Variants in LUZP2 observed in about 807,000 individuals in gnomAD.
The protein encoded by LUZP2 is leucine zipper protein 2.
Under a neutral mutation model 51.6 loss-of-function variants are expected in LUZP2, and 52 were observed. That is an observed-to-expected ratio of 1.01 (90% CI 0.81 to 1.27). LUZP2 has a LOEUF of 1.27. LUZP2 is among the 50% of genes most tolerant of loss of function. The probability of loss-of-function intolerance (pLI) is 0.00; values close to 1 mark genes in which losing one functional copy is unlikely to be tolerated. For synonymous variants in LUZP2, 154 were observed against 137.3 expected (o/e 1.12, Z -0.85); for missense variants, 436 against 395.4 (o/e 1.10, Z -0.87).
At chr11:24,601,170 T>C (rs1853621971) in intron 1 of LUZP2, among the ~76,000 whole-genome samples, 1 of 151,928 alleles carries the variant, frequency 6.6e-6, no homozygotes, top group African/African-American at 2.4e-5. Flanking sequence ...GGTACAAATA[T>C]CAAAGACATG....
chr11:24,809,463 G>C (rs1390335580), intron 5 of LUZP2, among the ~76,000 whole-genome samples: 3 of 151,966 alleles, frequency 2.0e-5, no homozygotes, highest in Admixed American at 6.6e-5. Context: ...AAGTTCCAAG[G>C]ACATGTTTCC....
At chr11:25,030,935 ATAT>A (rs1565254619) in intron 9 of LUZP2, among the ~76,000 whole-genome samples, 1 of 1,344 alleles carries the variant, frequency 7.4e-4, no homozygotes, top group Non-Finnish European at 1.1e-3. Flanking sequence ...TATATAATAT[ATAT>A]TATATATATT....
chr11:24,806,933 A>G (rs2134127917), intron 5 of LUZP2, among the ~76,000 whole-genome samples: 1 of 151,828 alleles, frequency 6.6e-6, no homozygotes, highest in African/African-American at 2.4e-5. Context: ...AAAATTAGAA[A>G]ATGAAGTAGA....
chr11:25,035,157 T>G (rs188136754), intron 9 of LUZP2, among the ~76,000 whole-genome samples: 1 of 152,028 alleles, frequency 6.6e-6, no homozygotes, highest in Non-Finnish European at 1.5e-5. Context: ...ACCACTGATA[T>G]GCAACATAGT....
chr11:24,581,212 A>C (rs1852841001), intron 1 of LUZP2, among the ~76,000 whole-genome samples: 1 of 152,020 alleles, frequency 6.6e-6, no homozygotes. Context: ...AAAAAAAAAA[A>C]AAATTCTCCC....
At chr11:24,908,704 T>A (rs927595284) in intron 6 of LUZP2, among the ~76,000 whole-genome samples, 8 of 151,998 alleles carry the variant, frequency 5.3e-5, no homozygotes, top group African/African-American at 1.7e-4. Flanking sequence ...CTTTGCATAA[T>A]CTTTCCTGAA....
chr11:25,048,958 A>T (rs1415896949), intron 9 of LUZP2, among the ~76,000 whole-genome samples: 1 of 151,814 alleles, frequency 6.6e-6, no homozygotes, highest in African/African-American at 2.4e-5. Flanking sequence ...TGCTTTATTC[A>T]TGTTCTTTTT....
At chr11:24,666,110 C>T (rs898782680) in intron 1 of LUZP2, among the ~76,000 whole-genome samples, 3 of 152,076 alleles carry the variant, frequency 2.0e-5, no homozygotes. Context: ...AGTATGAAGT[C>T]TCCACACTTC....
At chr11:24,937,208 A>C (rs1854609938) in intron 7 of LUZP2, among the ~76,000 whole-genome samples, 1 of 152,226 alleles carries the variant, frequency 6.6e-6, no homozygotes, top group African/African-American at 2.4e-5. Flanking sequence ...ATTTATATTA[A>C]ATAGAAGCAT....
At chr11:24,709,705 G>A (rs1857743314) in intron 1 of LUZP2, among the ~76,000 whole-genome samples, 2 of 152,210 alleles carry the variant, frequency 1.3e-5, no homozygotes, top group African/African-American at 4.8e-5. Flanking sequence ...TAACTCTACT[G>A]ATAAAGAGGA....
chr11:24,765,194 A>G (rs1860134953), intron 5 of LUZP2, among the ~76,000 whole-genome samples: 1 of 152,216 alleles, frequency 6.6e-6, no homozygotes, highest in Non-Finnish European at 1.5e-5. Flanking sequence ...AGATTAAGGC[A>G]GATTTATTTA....
At chr11:24,565,272 A>T (rs769522989) in intron 1 of LUZP2, among the ~76,000 whole-genome samples, 1 of 152,172 alleles carries the variant, frequency 6.6e-6, no homozygotes, top group Non-Finnish European at 1.5e-5. Flanking sequence ...CATTAAATAG[A>T]AGAAATGGCC....
chr11:24,934,737 G>C (rs1854544311), intron 7 of LUZP2, among the ~76,000 whole-genome samples: 1 of 152,120 alleles, frequency 6.6e-6, no homozygotes, highest in South Asian at 2.1e-4. Flanking sequence ...GCCTATTTCA[G>C]ACCTTGCTAA....
chr11:24,920,816 G>T (rs555989848), intron 7 of LUZP2, among the ~76,000 whole-genome samples: 1 of 152,014 alleles, frequency 6.6e-6, no homozygotes, highest in Non-Finnish European at 1.5e-5. Flanking sequence ...GAAGGTACTG[G>T]AAGATGAGAA....
chr11:24,599,927 G>A (rs1853565736), intron 1 of LUZP2, among the ~76,000 whole-genome samples: 1 of 152,058 alleles, frequency 6.6e-6, no homozygotes, highest in African/African-American at 2.4e-5. Flanking sequence ...GTTACATTTT[G>A]TTGATGGGGA....
chr11:24,786,466 C>A (rs1020353706), intron 5 of LUZP2: 3 of 981,248 alleles, frequency 3.1e-6, no homozygotes, highest in South Asian at 9.4e-5. Context: ...ATCATATTAA[C>A]GACTGCCTAT....
At chr11:24,555,114 C>G (rs1851827891) in intron 1 of LUZP2, among the ~76,000 whole-genome samples, 1 of 151,872 alleles carries the variant, frequency 6.6e-6, no homozygotes, top group Non-Finnish European at 1.5e-5. Flanking sequence ...GTCAAGACCA[C>G]GAGGCAATTT....
rs1273474080 is a variant in LUZP2, at chr11:25,081,226, G to T, written c.*2568G>T. The stretch of plus-strand genomic sequence containing the variant: ...TTTTTATATTTTTAATAGAGACGGG[G>T]TTTCACCATGTTGGCCAGGCTGGTC... On this transcript the variant is annotated 3_prime_UTR_variant, in exon 12 of 12. Coordinates refer to ENST00000336930, the MANE Select transcript of LUZP2 (RefSeq NM_001009909.4). 1.3e-5 allele frequency: 2 copies of T among 151,416 alleles called. No individual in the cohort carries two copies. The highest frequency in any genetic ancestry group is 1.9e-4 in the East Asian group (1 of 5,132). The allele number at this position is 151,416 out of a possible 1,614,324, so 9.4% of individuals were successfully genotyped here.
intron 1 of LUZP2, among the ~76,000 whole-genome samples, chr11:24,587,823 C>T (rs774763147): frequency 7.9e-5 from 12 of 151,702 alleles, no homozygotes; most frequent in Admixed American, 6.6e-4. Context: ...TTAAGGCAAA[C>T]AGCTGTGGTG....
Sources: allele counts gnomAD v4.1 joint callset (sites outside exome capture counted in the v4.1 genomes callset), GRCh38; gene constraint gnomAD v4.1.1; transcripts MANE v1.5; gene names NCBI Gene and HGNC (gene_info 2026-07-23, HGNC 2026-07-21).